Variants in NBEA observed in about 807,000 individuals in gnomAD.
NBEA encodes lysosomal-trafficking regulator 2.
In NBEA, 44 loss-of-function variants were observed where a neutral mutation model predicts 343.4. That is an observed-to-expected ratio of 0.13 (90% confidence interval 0.10 to 0.16). NBEA has a LOEUF of 0.16. Ranked by LOEUF, NBEA falls within the 10% of genes least tolerant of loss-of-function variation. The pLI is 1.00. For synonymous variants in NBEA, 1,175 were observed against 1,238.7 expected (o/e 0.95, Z 1.08); for missense variants, 2,555 against 3,631.3 (o/e 0.70, Z 7.62).
chr13:35,523,375 A>G (rs1284989229), intron 41 of NBEA, among the ~76,000 whole-genome samples: 1 of 152,178 alleles, frequency 6.6e-6, no homozygotes, highest in African/African-American at 2.4e-5. Context: ...GTTTTTCTTA[A>G]GAAAGAAGAA....
intron 4 of NBEA, among the ~76,000 whole-genome samples, chr13:35,047,379 A>G (rs1191340128): frequency 3.3e-5 from 5 of 152,026 alleles, no homozygotes; most frequent in African/African-American, 1.2e-4. Context: ...AGCTTGCTAC[A>G]ATAAGAGTTA....
chr13:35,423,560 G>T (rs547872244), intron 38 of NBEA, among the ~76,000 whole-genome samples: 7 of 152,280 alleles, frequency 4.6e-5, no homozygotes, highest in African/African-American at 9.6e-5. Flanking sequence ...TAGCCTTGTA[G>T]TATAGTTTGA....
chr13:35,207,958 C>T (rs1227164668), intron 31 of NBEA, among the ~76,000 whole-genome samples: 2 of 152,220 alleles, frequency 1.3e-5, no homozygotes, highest in Middle Eastern at 3.4e-3. Flanking sequence ...CGGTGGCTCA[C>T]GCCTGTAATC....
At chr13:35,546,491 T>A (rs903825101) in intron 41 of NBEA, among the ~76,000 whole-genome samples, 2 of 151,148 alleles carry the variant, frequency 1.3e-5, no homozygotes, top group African/African-American at 2.4e-5. Flanking sequence ...TAGAGTTACA[T>A]GATAACTCTT....
At chr13:35,536,286 G>A (rs2078536319) in intron 41 of NBEA, among the ~76,000 whole-genome samples, 1 of 152,018 alleles carries the variant, frequency 6.6e-6, no homozygotes, top group Admixed American at 6.6e-5. Flanking sequence ...CTTGATAAAT[G>A]GTAAATATTT....
intron 34 of NBEA, among the ~76,000 whole-genome samples, chr13:35,242,307 TAGAC>T (rs1325854882): frequency 6.6e-6 from 1 of 151,826 alleles, no homozygotes; most frequent in Non-Finnish European, 1.5e-5. Flanking sequence ...TAGACTCAAT[TAGAC>T]AGAAGAAAGA....
chr13:35,535,512 C>T (rs543877578), intron 41 of NBEA, among the ~76,000 whole-genome samples: 1 of 152,246 alleles, frequency 6.6e-6, no homozygotes, highest in Non-Finnish European at 1.5e-5. Flanking sequence ...GCAGAGACTG[C>T]TCCCATCACT....
At position 35,183,984 on chromosome 13, in the gene NBEA, A is replaced by C. The variant is rs375292399; in HGVS notation, c.4840A>C (p.Ile1614Leu). 7 of 1,610,558 alleles carry C rather than the reference A, an allele frequency of 4.3e-6. No homozygotes were observed. In the African/African-American group the frequency reaches 8.0e-5, roughly 18 times the overall value. The change falls in exon 30 of 59, where the codon ATA becomes CTA. Residue 1614 changes from isoleucine (I) to leucine (L), a missense_variant. Ile to Leu is a conservative substitution (Grantham distance 5, BLOSUM62 2). This residue lies in a region of NBEA where 270 missense variants were observed against 293.3 expected (regional missense o/e 0.92). Transcript: ENST00000379939. ...CATGATTTTCTCCACAGTTGTGGTC[A>C]TACCATCTATCCCTCATCCAAGTTT... ...INSPTSTVVVIPSIPHPSLNH... is the reference protein window; with the variant it reads ...INSPTSTVVVLPSIPHPSLNH...
At chr13:35,282,721 A>G (rs2035137846) in intron 34 of NBEA, among the ~76,000 whole-genome samples, 1 of 152,252 alleles carries the variant, frequency 6.6e-6, no homozygotes, top group East Asian at 1.9e-4. Flanking sequence ...ATCTCATTCA[A>G]TTTCAAAAAT....
chr13:35,436,611 G>A (rs994758998), intron 39 of NBEA, among the ~76,000 whole-genome samples: 3 of 151,736 alleles, frequency 2.0e-5, no homozygotes, highest in Admixed American at 1.3e-4. Flanking sequence ...TCGGGAGGCT[G>A]AGGCAGGAGA....
intron 48 of NBEA, among the ~76,000 whole-genome samples, chr13:35,622,269 G>A (rs1356181391): frequency 1.3e-5 from 2 of 152,164 alleles, no homozygotes; most frequent in Non-Finnish European, 2.9e-5. Flanking sequence ...GAAGTCCTGA[G>A]AAACAGTGGG....
chr13:35,244,875 G>A (rs959183195), intron 34 of NBEA, among the ~76,000 whole-genome samples: 2 of 151,990 alleles, frequency 1.3e-5, no homozygotes, highest in African/African-American at 4.8e-5. Context: ...TTGTAAAGGG[G>A]TTGAGTTCTT....
chr13:35,010,766 A>G (rs1313040864), intron 1 of NBEA, among the ~76,000 whole-genome samples: 6 of 125,740 alleles, frequency 4.8e-5, no homozygotes, highest in African/African-American at 1.9e-4. Context: ...ATATATATAT[A>G]TATATATATA....
intron 39 of NBEA, among the ~76,000 whole-genome samples, chr13:35,450,696 G>A (rs918670760): frequency 3.3e-5 from 5 of 152,060 alleles, no homozygotes; most frequent in African/African-American, 1.2e-4. Flanking sequence ...GATTTATAAG[G>A]CTCCCATTTC....
intron 10 of NBEA, among the ~76,000 whole-genome samples, chr13:35,081,493 C>G (rs1034158215): frequency 6.7e-6 from 1 of 150,238 alleles, no homozygotes; most frequent in Non-Finnish European, 1.5e-5. Flanking sequence ...CAAATTCAAT[C>G]TAAATATTTA....
At chr13:35,621,308 A>G (rs1436228546) in intron 48 of NBEA, among the ~76,000 whole-genome samples, 1 of 152,156 alleles carries the variant, frequency 6.6e-6, no homozygotes, top group African/African-American at 2.4e-5. Context: ...TCCATGTTGA[A>G]TGAATGAATG....
chr13:35,614,426 T>C (rs1481801455), intron 48 of NBEA, among the ~76,000 whole-genome samples: 1 of 152,216 alleles, frequency 6.6e-6, no homozygotes, highest in Non-Finnish European at 1.5e-5. Flanking sequence ...TACAGTTCCC[T>C]TTAATAGCCC....
At chr13:35,111,800 T>C (rs1472115256) in intron 13 of NBEA, among the ~76,000 whole-genome samples, 1 of 152,110 alleles carries the variant, frequency 6.6e-6, no homozygotes. Context: ...GAATGTCATA[T>C]TATTTTACAG....
At chr13:35,059,783 G>GA (rs2063401651) in intron 8 of NBEA, among the ~76,000 whole-genome samples, 3 of 150,880 alleles carry the variant, frequency 2.0e-5, no homozygotes, top group African/African-American at 2.4e-5. Context: ...GAGAGAGAGA[G>GA]GAAAGTTTGA....
Sources: gnomAD v4.1 joint callset for allele counts (sites outside exome capture counted in the v4.1 genomes callset) on GRCh38, gnomAD v4.1.1 for gene constraint, gnomAD v4.1.1 regional missense constraint, MANE v1.5 for transcripts, NCBI Gene and HGNC (gene_info 2026-07-23, HGNC 2026-07-21) for gene names.